NTRK3: variants seen among roughly 807,000 people sequenced by gnomAD.
NTRK3 encodes the protein neurotrophic receptor tyrosine kinase 3.
Under a neutral mutation model 91.7 loss-of-function variants are expected in NTRK3, and 24 were observed. The observed-to-expected ratio is 0.26, with a 90% CI of 0.19 to 0.37. The LOEUF (loss-of-function observed/expected upper bound fraction) is 0.37. Ranked by LOEUF, NTRK3 falls within the 10% of genes least tolerant of loss-of-function variation. The pLI, the probability that NTRK3 is intolerant of heterozygous loss-of-function variation, is 1.00. For synonymous variants in NTRK3, 483 were observed against 404.0 expected (o/e 1.20, Z -2.34); for missense variants, 880 against 1,068.9 (o/e 0.82, Z 2.46).
intron 13 of NTRK3, among the ~76,000 whole-genome samples, chr15:88,097,722 G>A (rs935746665): frequency 2.6e-5 from 4 of 152,154 alleles, no homozygotes; most frequent in African/African-American, 9.7e-5. Flanking sequence ...TAAAAACGAT[G>A]GTTATAATGA....
At chr15:88,073,504 G>T (rs2047265838) in intron 13 of NTRK3, among the ~76,000 whole-genome samples, 1 of 152,156 alleles carries the variant, frequency 6.6e-6, no homozygotes, top group Non-Finnish European at 1.5e-5. Context: ...GCTCAAGCTG[G>T]ACAACCATGG....
chr15:87,916,161 A>G (rs2067432912), intron 17 of NTRK3: 1 of 245,108 alleles, frequency 4.1e-6, no homozygotes, highest in Non-Finnish European at 8.0e-6. Flanking sequence ...TATGAGGATT[A>G]TGAGAGAAAT....
At chr15:87,962,252 G>C (rs915291025) in intron 14 of NTRK3, among the ~76,000 whole-genome samples, 1 of 152,102 alleles carries the variant, frequency 6.6e-6, no homozygotes, top group African/African-American at 2.4e-5. Flanking sequence ...TGCATCATCT[G>C]CTCTGCTGTC....
chr15:88,149,306 T>C (rs959164788), intron 5 of NTRK3, among the ~76,000 whole-genome samples: 2 of 152,194 alleles, frequency 1.3e-5, no homozygotes, highest in Non-Finnish European at 2.9e-5. Context: ...GGCAGCCTCA[T>C]GCTGGGGGTG....
intron 18 of NTRK3, 94 bp from the exon 20 acceptor site, chr15:87,877,214 G>T: frequency 1.5e-6 from 2 of 1,319,548 alleles, no homozygotes; most frequent in Non-Finnish European, 2.1e-6. Flanking sequence ...TCCCGGATTA[G>T]TTTCTATGCA....
intron 13 of NTRK3, among the ~76,000 whole-genome samples, chr15:88,070,178 C>T (rs1597122714): frequency 2.0e-5 from 3 of 152,190 alleles, no homozygotes; most frequent in East Asian, 1.9e-4. Flanking sequence ...ATTCTAAAAA[C>T]GAATGAGAAG....
At chr15:88,083,697 G>A (rs1308638132) in intron 13 of NTRK3, among the ~76,000 whole-genome samples, 1 of 152,214 alleles carries the variant, frequency 6.6e-6, no homozygotes, top group Admixed American at 6.5e-5. Flanking sequence ...CAAAGTCACT[G>A]CAAGAGTTAG....
chr15:88,218,866 T>A (rs1364113598), intron 3 of NTRK3, among the ~76,000 whole-genome samples: 1 of 152,206 alleles, frequency 6.6e-6, no homozygotes, highest in Non-Finnish European at 1.5e-5. Context: ...GAGTTCTCTA[T>A]TCTCATCCAA....
chr15:87,890,570 TACACACACACACAC>T (rs58806302), intron 17 of NTRK3, among the ~76,000 whole-genome samples: 1 of 147,832 alleles, frequency 6.8e-6, no homozygotes, highest in Non-Finnish European at 1.5e-5. Context: ...GCTTGTTCTT[TACACACACACACAC>T]ACACACACAC....
At chr15:88,179,559 G>A (rs1485144569) in intron 5 of NTRK3, among the ~76,000 whole-genome samples, 2 of 152,344 alleles carry the variant, frequency 1.3e-5, no homozygotes, top group African/African-American at 2.4e-5. Flanking sequence ...AGCTCAGACA[G>A]ACGTCTACAT....
rs144346663 is a variant in NTRK3 at position 88,217,659 on chromosome 15, G to A, written c.249-33360C>T. Among the ~76,000 whole-genome samples the A allele has an allele frequency of 1.9e-3, 292 of 152,336 alleles. 1 individual carries two copies. Among genetic ancestry groups the A allele is most frequent in the African/African-American group, 6.7e-3 (277 of 41,572 alleles). On this transcript the variant is annotated intron_variant, in intron 3 of 18. Transcript: ENST00000394480. ...GTTTCAGTTTTGCAAGATGAAAAGAGTTTGGGAGACCAGTTACACAGCAAT... is the reference window on the plus strand; with the variant it reads ...GTTTCAGTTTTGCAAGATGAAAAGAATTTGGGAGACCAGTTACACAGCAAT...
Position 87,984,407 on chromosome 15 carries a change from T to C in NTRK3, c.1586-43654A>G, listed in dbSNP as rs1000842817. Among the ~76,000 whole-genome samples the C allele has an allele frequency of 4.6e-5, 7 of 152,368 alleles. No homozygotes were observed. The South Asian group carries it at 6.2e-4, about 14-fold the overall frequency. On this transcript the variant is annotated intron_variant, in intron 14 of 18. Coordinates refer to ENST00000394480, the Ensembl canonical transcript of NTRK3. ...AATGGTGCCTGGGCTATGGTTATGA[T>C]TGATTTGTTCTGTATCTTTTCCTTG...
At chr15:87,908,201 G>A (rs907619326) in intron 17 of NTRK3, among the ~76,000 whole-genome samples, 1 of 152,186 alleles carries the variant, frequency 6.6e-6, no homozygotes, top group Non-Finnish European at 1.5e-5. Context: ...AGCCCTGGCA[G>A]CCATGTGAAC....
chr15:87,900,880 C>T (rs2066414955), intron 17 of NTRK3, among the ~76,000 whole-genome samples: 1 of 152,056 alleles, frequency 6.6e-6, no homozygotes, highest in African/African-American at 2.4e-5. Flanking sequence ...ACTAGTTGAC[C>T]TTTAGGGATC....
At chr15:88,202,769 G>A (rs2048414676) in intron 3 of NTRK3, among the ~76,000 whole-genome samples, 1 of 152,218 alleles carries the variant, frequency 6.6e-6, no homozygotes, top group Admixed American at 6.5e-5. Context: ...CAAAGGCTGA[G>A]TGTGACCCAT....
At chr15:88,248,826 TATC>T (rs1343724987) in intron 3 of NTRK3, among the ~76,000 whole-genome samples, 1 of 152,240 alleles carries the variant, frequency 6.6e-6, no homozygotes, top group Non-Finnish European at 1.5e-5. Flanking sequence ...TAACGATTGT[TATC>T]ATGTACTCAG....
intron 3 of NTRK3, among the ~76,000 whole-genome samples, chr15:88,197,094 C>CAA (rs59553739): frequency 0.14 from 7,758 of 56,424 alleles, 1,947 homozygotes; most frequent in East Asian, 0.19. Context: ...TTGAGCAGGA[C>CAA]AAAAAAAAAA....
At chr15:87,873,494 G>A (rs1249394287) in exon 19 of NTRK3, 1 of 231,518 alleles carries the variant, frequency 4.3e-6, no homozygotes, top group African/African-American at 2.2e-5. Flanking sequence ...CGGTGAGGTT[G>A]GCATGGCAGA....
intron 17 of NTRK3, among the ~76,000 whole-genome samples, chr15:87,901,088 G>C (rs1227833350): frequency 2.0e-5 from 3 of 152,114 alleles, no homozygotes; most frequent in African/African-American, 7.2e-5. Context: ...AGAGATGGAG[G>C]AGCTGTACCT....
Sources: gnomAD v4.1 joint callset for allele counts (sites outside exome capture counted in the v4.1 genomes callset) on GRCh38, gnomAD v4.1.1 for gene constraint, MANE v1.5 for transcripts, NCBI Gene and HGNC (gene_info 2026-07-23, HGNC 2026-07-21) for gene names.